Variants in CSMD3 observed in about 807,000 individuals in gnomAD.
CSMD3 encodes the protein CUB and sushi domain-containing protein 3.
A neutral mutation model predicts 435.2 loss-of-function variants in CSMD3; 177 were observed. The observed-to-expected ratio is 0.41, with a 90% CI of 0.36 to 0.46. The LOEUF (loss-of-function observed/expected upper bound fraction) is 0.46. CSMD3 is among the 20% of genes least tolerant of loss of function. CSMD3 has a pLI of 0.34. For synonymous variants in CSMD3, 1,656 were observed against 1,520.5 expected (o/e 1.09, Z -2.07); for missense variants, 4,265 against 4,504.6 (o/e 0.95, Z 1.52).
chr8:112,289,252 T>C, intron 57 of CSMD3, 113 bp downstream of exon 57: 1 of 936,962 alleles, frequency 1.1e-6, no homozygotes, highest in East Asian at 2.4e-5. Context: ...TATGAGATTT[T>C]TCAGAGAGAA....
chr8:113,030,478 G>C, intron 5 of CSMD3, among the ~76,000 whole-genome samples: 1 of 138,100 alleles, frequency 7.2e-6, no homozygotes, highest in Non-Finnish European at 1.6e-5. Flanking sequence ...ACAAAATAGA[G>C]GATGCAGAAA....
intron 1 of CSMD3, among the ~76,000 whole-genome samples, chr8:113,394,926 A>G (rs2094476494): frequency 6.6e-6 from 1 of 152,172 alleles, no homozygotes; most frequent in African/African-American, 2.4e-5. Context: ...GAGAATTTGA[A>G]GGTGAGAAGA....
At chr8:113,153,101 A>AAAAGAAAGAAAGAAAAG (rs1554791159) in intron 4 of CSMD3, among the ~76,000 whole-genome samples, 1,990 of 100,050 alleles carry the variant, frequency 0.02, 160 homozygotes, top group African/African-American at 0.088. Context: ...AGAAAGAAAG[A>AAAAGAAAGAAAGAAAAG]AAAGAAAGAA....
At chr8:112,831,557 GTT>G (rs5894109) in intron 11 of CSMD3, among the ~76,000 whole-genome samples, 32,566 of 142,936 alleles carry the variant, frequency 0.23, 4,369 homozygotes, top group Non-Finnish European at 0.32. Flanking sequence ...ATGTAAAAGT[GTT>G]TTTTTTTTTT....
In CSMD3 at chr8:113,146,070, T is replaced by C. The variant is rs1373023014; in HGVS notation, c.709+27652A>G. Among the ~76,000 whole-genome samples, 3 of 151,430 alleles carry C rather than the reference T, an allele frequency of 2.0e-5. No homozygotes were observed. In the Admixed American group the frequency reaches 2.0e-4, roughly 10 times the overall value. On this transcript the variant is annotated intron_variant, in intron 4 of 70. Transcript: ENST00000297405. ...CAGTTAAAGAACCTGAAACATAGCA[T>C]AAAATGTAAATATATAATGTAAATA...
intron 15 of CSMD3, among the ~76,000 whole-genome samples, chr8:112,684,844 G>C (rs768061445): frequency 5.4e-4 from 82 of 152,138 alleles, no homozygotes; most frequent in South Asian, 1.2e-3. Context: ...ATTCTTTATA[G>C]CAATCCATTG....
chr8:112,383,694 A>G lies in CSMD3; in HGVS notation c.5935-31T>C, dbSNP rs374616733. ...AAATAATAATTACAGGTAAGAATAC[A>G]CATTTCTAACCAGATACACATAACT... On this transcript the variant is annotated intron_variant, in intron 36 of 70. Coordinates refer to ENST00000297405, the MANE Select transcript of CSMD3 (RefSeq NM_198123.2). 4.4e-5 allele frequency: 57 copies of G among 1,285,666 alleles called. No individual in the cohort carries two copies. The Admixed American group carries it at 8.2e-4, about 19-fold the overall frequency. The allele number at this position is 1,285,666 out of a possible 1,614,324, so 79.6% of individuals were successfully genotyped here.
At chr8:112,263,137 TAAAAA>T (rs58022386) in intron 61 of CSMD3, among the ~76,000 whole-genome samples, 4 of 138,012 alleles carry the variant, frequency 2.9e-5, no homozygotes, top group Non-Finnish European at 1.6e-5. Context: ...GCAACCTCTG[TAAAAA>T]AAAAAAAAAA....
chr8:112,558,285 T>A (rs1482110017), intron 24 of CSMD3, among the ~76,000 whole-genome samples: 111 of 151,940 alleles, frequency 7.3e-4, no homozygotes, highest in African/African-American at 2.7e-3. Flanking sequence ...GTCATTTTCT[T>A]CCTTCTCCCT....
chr8:112,573,723 G>C (rs1375251510), intron 23 of CSMD3, 66 bp from the exon 24 acceptor site: 3 of 1,265,782 alleles, frequency 2.4e-6, no homozygotes, highest in Non-Finnish European at 2.3e-6. Flanking sequence ...GCATGTATTT[G>C]TATCTATGAA....
At chr8:113,084,550 G>A (rs1158685639) in intron 5 of CSMD3, among the ~76,000 whole-genome samples, 1 of 145,408 alleles carries the variant, frequency 6.9e-6, no homozygotes, top group African/African-American at 2.5e-5. Flanking sequence ...AGATTCAATG[G>A]AATCTCTATC....
intron 3 of CSMD3, among the ~76,000 whole-genome samples, chr8:113,209,216 C>T (rs1245918478): frequency 6.6e-6 from 1 of 152,090 alleles, no homozygotes; most frequent in Non-Finnish European, 1.5e-5. Flanking sequence ...GTGTCACCTA[C>T]ACTGAAGCAG....
chr8:112,668,294 T>G (rs1043263774), intron 16 of CSMD3, among the ~76,000 whole-genome samples: 1 of 152,116 alleles, frequency 6.6e-6, no homozygotes, highest in African/African-American at 2.4e-5. Context: ...AATTACCATA[T>G]TTTACAAGAC....
At chr8:112,824,149 CT>C (rs1554690185) in intron 12 of CSMD3, among the ~76,000 whole-genome samples, 3 of 150,714 alleles carry the variant, frequency 2.0e-5, no homozygotes, top group South Asian at 2.1e-4. Flanking sequence ...TCAACCCCTG[CT>C]TTTTTTTTGC....
intron 68 of CSMD3, among the ~76,000 whole-genome samples, chr8:112,233,051 C>T (rs200157162): frequency 2.6e-4 from 39 of 152,206 alleles, no homozygotes; most frequent in African/African-American, 8.4e-4. Flanking sequence ...ACTACATGCA[C>T]CTTACATTTG....
intron 3 of CSMD3, among the ~76,000 whole-genome samples, chr8:113,272,788 T>C (rs1228318632): frequency 3.9e-5 from 6 of 152,182 alleles, no homozygotes; most frequent in Admixed American, 2.0e-4. Context: ...CTATTTTCAT[T>C]CTACTTATAT....
chr8:112,682,687 A>T, intron 15 of CSMD3, 51 bp from the exon 16 acceptor site: 1 of 1,203,372 alleles, frequency 8.3e-7, no homozygotes. Context: ...CATTAGCCAG[A>T]GAGAGATCCT....
At chr8:113,294,589 G>A (rs958808299) in intron 2 of CSMD3, among the ~76,000 whole-genome samples, 3 of 152,028 alleles carry the variant, frequency 2.0e-5, no homozygotes, top group Admixed American at 6.6e-5. Context: ...AGAAGTTAAC[G>A]TGAATGCTTA....
chr8:113,315,229 A>C (rs1450627323), intron 1 of CSMD3, among the ~76,000 whole-genome samples: 1 of 152,176 alleles, frequency 6.6e-6, no homozygotes. Context: ...TTGGCAACAC[A>C]TGCTAGCTTT....
Sources: gnomAD v4.1 joint callset for allele counts (sites outside exome capture counted in the v4.1 genomes callset) on GRCh38, gnomAD v4.1.1 for gene constraint, MANE v1.5 for transcripts, NCBI Gene and HGNC (gene_info 2026-07-23, HGNC 2026-07-21) for gene names.